RECQL: variants seen among roughly 807,000 people sequenced by gnomAD.
RECQL encodes ATP-dependent DNA helicase Q1.
In RECQL, 73 loss-of-function variants were observed where a neutral mutation model predicts 75.8. That is an observed-to-expected ratio of 0.96 (90% CI 0.80 to 1.17). RECQL has a LOEUF of 1.17. Ranked by LOEUF, RECQL falls within the 50% of genes most tolerant of loss-of-function variation. RECQL has a pLI of 0.00. For synonymous variants in RECQL, 248 were observed against 254.4 expected (o/e 0.97, Z 0.24); for missense variants, 699 against 772.1 (o/e 0.91, Z 1.12).
At chr12:21,473,341 G>A (rs1448910937) in intron 12 of RECQL, among the ~76,000 whole-genome samples, 1 of 152,112 alleles carries the variant, frequency 6.6e-6, no homozygotes. Flanking sequence ...GCAGTATGCA[G>A]TACAGTAACA....
At chr12:21,491,371 T>C in intron 3 of RECQL, 148 bp downstream of exon 3, 1 of 692,052 alleles carries the variant, frequency 1.4e-6, no homozygotes. Context: ...GAAAGAATGA[T>C]CCACCTGCAA....
In RECQL at chr12:21,471,474, C is replaced by G. The variant is rs1036542585; in HGVS notation, c.1621G>C (p.Asp541His). 3.7e-6 allele frequency: 6 copies of G among 1,613,058 alleles called. No individual in the cohort carries two copies. The Admixed American group carries it at 5.0e-5, about 13-fold the overall frequency. Residue 541 changes from aspartate to histidine, a missense_variant, in exon 13 of 15, where the codon GAT (aspartate) becomes CAT (histidine). Physicochemically the swap from Asp to His is moderately conservative, Grantham distance 81. Coordinates refer to ENST00000444129, the MANE Select transcript of RECQL (RefSeq NM_002907.4). The stretch of plus-strand genomic sequence containing the variant: ...AAGTGTGCAATAATCTTCTCCAGAT[C>G]TTCACGAGGAAGTGTGGGAGCCACA... ...GVVAPTLPRE[D>H]LEKIIAHFLI...
In RECQL at chr12:21,471,045, G is replaced by A; in HGVS notation, c.1721C>T (p.Pro574Leu). 1.2e-5 allele frequency: 20 copies of A among 1,601,930 alleles called. No homozygotes were observed. Among genetic ancestry groups the A allele is most frequent in the Non-Finnish European group, 1.6e-5 (19 of 1,175,186 alleles). ...CTCATTGTTCAGAAGATTAGCTTTA[G>A]GTCCTATTTTCAAATACGAAATGGT... ...YATISYLKIG[P>L]KANLLNNEAH... The change falls in exon 14 of 15, where the codon CCT (proline) becomes CTT (leucine). Residue 574 changes from proline (P) to leucine (L), a missense_variant. Pro to Leu is a moderately conservative substitution (Grantham distance 98). Around this residue, in one of 2 missense-constraint regions of RECQL, gnomAD observed 669 missense variants for 713.5 expected, o/e 0.94. Coordinates refer to ENST00000444129, the MANE Select transcript of RECQL (RefSeq NM_002907.4).
chr12:21,483,262 C>A (rs1591981206), intron 6 of RECQL, 114 bp downstream of exon 6: 2 of 775,366 alleles, frequency 2.6e-6, no homozygotes, highest in East Asian at 5.7e-5. Flanking sequence ...AACGGATATT[C>A]AATGTGTAAC....
At chr12:21,474,755 T>C in intron 11 of RECQL, 86 bp downstream of exon 11, 1 of 1,289,794 alleles carries the variant, frequency 7.8e-7, no homozygotes, top group Non-Finnish European at 1.1e-6. Flanking sequence ...GTTCCACCAA[T>C]GTATTTAGTA....
At chr12:21,494,021 G>T (rs1469030497) in intron 2 of RECQL, among the ~76,000 whole-genome samples, 2 of 152,194 alleles carry the variant, frequency 1.3e-5, no homozygotes, top group Admixed American at 1.3e-4. Context: ...GGTTCTGTAG[G>T]CTATACAAGG....
At chr12:21,498,018 C>T (rs139550481) in intron 2 of RECQL, among the ~76,000 whole-genome samples, 1 of 152,346 alleles carries the variant, frequency 6.6e-6, no homozygotes, top group East Asian at 1.9e-4. Flanking sequence ...GCCTGCAGTG[C>T]TCTATCATGT....
At chr12:21,481,391 T>C (rs533070618) in intron 6 of RECQL, among the ~76,000 whole-genome samples, 54 of 152,256 alleles carry the variant, frequency 3.5e-4, no homozygotes, top group African/African-American at 1.2e-3. Context: ...ATGGGAATAA[T>C]GTTTTACACT....
At chr12:21,479,696 T>C (rs1366565909) in intron 6 of RECQL, among the ~76,000 whole-genome samples, 1 of 152,084 alleles carries the variant, frequency 6.6e-6, no homozygotes, top group African/African-American at 2.4e-5. Context: ...AATCATCTTT[T>C]GGTGACAGTG....
chr12:21,484,960 T>C (rs149953225), intron 5 of RECQL, among the ~76,000 whole-genome samples: 34 of 151,908 alleles, frequency 2.2e-4, no homozygotes, highest in African/African-American at 7.5e-4. Flanking sequence ...GAGGAAAAAG[T>C]TTATTTTTGT....
At chr12:21,482,815 T>C (rs1425130796) in intron 6 of RECQL, among the ~76,000 whole-genome samples, 1 of 152,168 alleles carries the variant, frequency 6.6e-6, no homozygotes, top group Non-Finnish European at 1.5e-5. Context: ...TTTTTTTGCA[T>C]ATAACAATTC....
At chr12:21,485,212 A>C (rs956907804) in intron 5 of RECQL, among the ~76,000 whole-genome samples, 2 of 146,444 alleles carry the variant, frequency 1.4e-5, no homozygotes, top group African/African-American at 5.1e-5. Context: ...TACTCTTGCA[A>C]AAAAAAAAAA....
rs1004442998 is a variant in RECQL at position 21,469,374 on chromosome 12, AT to A, written c.*819del. The A allele has an allele frequency of 8.5e-3, 1,243 of 145,464 alleles. 11 individuals are homozygous for A. Among genetic ancestry groups the A allele is most frequent in the African/African-American group, 0.023 (900 of 39,898 alleles). 9.0% of individuals were successfully genotyped at this position (145,464 alleles called of 1,614,324 possible). On this transcript the variant is annotated 3_prime_UTR_variant, in exon 15 of 15. Transcript: ENST00000444129. ...CTTAAAACATGAGATTTTTCTTGCA[AT>A]TTTTTTTTTTTTAAGCTCATCAGCT...
intron 5 of RECQL, among the ~76,000 whole-genome samples, chr12:21,485,447 A>G (rs1245294225): frequency 6.6e-6 from 1 of 152,048 alleles, no homozygotes; most frequent in African/African-American, 2.4e-5. Flanking sequence ...TTTCTTCAAC[A>G]AAGAATTTGC....
chr12:21,476,182 T>A (rs1000882021), intron 8 of RECQL, among the ~76,000 whole-genome samples: 1 of 152,076 alleles, frequency 6.6e-6, no homozygotes, highest in Admixed American at 6.6e-5. Context: ...TTAGATTAAT[T>A]TGCATGCAAA....
In RECQL at chr12:21,469,146, A is replaced by C. The variant is rs1316807483; in HGVS notation, c.*1048T>G. 1 of 164,496 alleles carries C rather than the reference A, an allele frequency of 6.1e-6. No individual in the cohort carries two copies. The highest frequency in any genetic ancestry group is 1.3e-5 in the Non-Finnish European group (1 of 75,804). The allele number at this position is 164,496 out of a possible 1,614,324, so 10.2% of individuals were successfully genotyped here. ...ATGGCTATGGTTTCAGGAACTTTAA[A>C]ATCGGTTGTATTTTACTTTAAATAG... On this transcript the variant is annotated 3_prime_UTR_variant, in exon 15 of 15. Coordinates refer to ENST00000444129, the MANE Select transcript of RECQL (RefSeq NM_002907.4).
chr12:21,483,588 A>C lies in RECQL; in HGVS notation c.502-14T>G, dbSNP rs201591997. 7.1e-4 allele frequency: 1,089 copies of C among 1,543,588 alleles called. 2 individuals carry two copies. The highest frequency in any genetic ancestry group is 8.4e-4 in the South Asian group (68 of 80,842). On this transcript the variant is annotated splice_polypyrimidine_tract_variant and intron_variant, in intron 5 of 14. Coordinates refer to ENST00000444129, the MANE Select transcript of RECQL (RefSeq NM_002907.4). ...TTTAACATGCTCCTATTAAAAGAAA[A>C]AAATAGACACAATGATAGTAAAACT...
At chr12:21,477,744 G>A in intron 7 of RECQL, 59 bp downstream of exon 7, 1 of 1,371,046 alleles carries the variant, frequency 7.3e-7, no homozygotes, top group South Asian at 1.5e-5. Flanking sequence ...TAATAAAAAG[G>A]CAGATCCCCT....
intron 6 of RECQL, among the ~76,000 whole-genome samples, chr12:21,478,605 T>G (rs889398353): frequency 1.3e-5 from 2 of 152,184 alleles, no homozygotes; most frequent in African/African-American, 4.8e-5. Context: ...GCAAATACAC[T>G]GACATGAAAT....
Sources: gnomAD v4.1 joint callset for allele counts (sites outside exome capture counted in the v4.1 genomes callset) on GRCh38, gnomAD v4.1.1 for gene constraint, gnomAD v4.1.1 regional missense constraint, MANE v1.5 for transcripts, NCBI Gene and HGNC (gene_info 2026-07-23, HGNC 2026-07-21) for gene names.